Variants in FSHR observed in about 807,000 individuals in gnomAD.
FSHR encodes the protein follicle-stimulating hormone receptor.
FSHR carries 46 observed loss-of-function variants against 52.1 expected under a neutral mutation model. The ratio of observed to expected loss-of-function variants is 0.88; its 90% CI spans 0.70 to 1.13. FSHR has a LOEUF of 1.13. Ranked by LOEUF, FSHR falls within the 50% of genes most tolerant of loss-of-function variation. The pLI is 0.00. For missense variants in FSHR, 964 were observed against 834.6 expected (o/e 1.16, Z -1.91); for synonymous variants, 399 against 309.6 (o/e 1.29, Z -3.03).
At chr2:48,965,504 GA>G (rs1674433403) in intron 9 of FSHR, among the ~76,000 whole-genome samples, 1 of 152,202 alleles carries the variant, frequency 6.6e-6, no homozygotes, top group African/African-American at 2.4e-5. Context: ...AATGGGTATA[GA>G]GGGGAGAAGA....
intron 1 of FSHR, among the ~76,000 whole-genome samples, chr2:49,072,624 A>T (rs1669778708): frequency 6.6e-6 from 1 of 152,192 alleles, no homozygotes; most frequent in Admixed American, 6.5e-5. Context: ...AATGTTTGAG[A>T]AGGTAAACAC....
chr2:49,057,881 A>G (rs944618963), intron 2 of FSHR, among the ~76,000 whole-genome samples: 2 of 152,358 alleles, frequency 1.3e-5, no homozygotes, highest in Middle Eastern at 3.4e-3. Context: ...GCAAATTAGT[A>G]AACATGATAC....
intron 8 of FSHR, among the ~76,000 whole-genome samples, chr2:48,972,699 G>A (rs4952933): frequency 0.55 from 84,095 of 151,784 alleles, 23,520 homozygotes; most frequent in East Asian, 0.72. Context: ...AACAATTCAG[G>A]ACTCCCTCCA....
chr2:49,149,162 G>T (rs1672973160), intron 1 of FSHR, among the ~76,000 whole-genome samples: 1 of 151,984 alleles, frequency 6.6e-6, no homozygotes. Context: ...ATGATGAGGA[G>T]AAGTAAACTG....
Position 49,017,476 on chromosome 2 carries a change from C to T in FSHR, c.374+13G>A, listed in dbSNP as rs763437371. On this transcript the variant is annotated intron_variant, in intron 4 of 9. Transcript: ENST00000406846. Reference sequence around the variant, plus strand: ...TAATCATAGTGGGGGTACCAAACTACATGAGTTCTTACAGATATTGAAGGT... The same window carrying T: ...TAATCATAGTGGGGGTACCAAACTATATGAGTTCTTACAGATATTGAAGGT... The T allele has an allele frequency of 5.0e-6, 8 of 1,600,822 alleles. No homozygotes were observed. Among genetic ancestry groups the T allele is most frequent in the East Asian group, 2.2e-5 (1 of 44,806 alleles).
At chr2:49,112,138 T>G (rs1671444503) in intron 1 of FSHR, among the ~76,000 whole-genome samples, 1 of 151,938 alleles carries the variant, frequency 6.6e-6, no homozygotes, top group Admixed American at 6.6e-5. Flanking sequence ...TTAATTGGAG[T>G]CCTAAAACTC....
chr2:49,123,355 C>T (rs1671885705), intron 1 of FSHR, among the ~76,000 whole-genome samples: 2 of 152,060 alleles, frequency 1.3e-5, no homozygotes, highest in South Asian at 4.2e-4. Flanking sequence ...GGCACGGTGG[C>T]TCACGCTGGT....
intron 1 of FSHR, among the ~76,000 whole-genome samples, chr2:49,137,810 T>C (rs183254062): frequency 1.9e-4 from 29 of 151,910 alleles, no homozygotes; most frequent in African/African-American, 3.9e-4. Context: ...TAAAAATGGA[T>C]AAAAACCCAC....
At chr2:49,089,573 C>T (rs758804523) in intron 1 of FSHR, among the ~76,000 whole-genome samples, 2 of 152,020 alleles carry the variant, frequency 1.3e-5, no homozygotes, top group African/African-American at 2.4e-5. Context: ...CCAGAGTAAC[C>T]GCGTGTAACA....
chr2:49,143,450 T>C (rs1672760564), intron 1 of FSHR, among the ~76,000 whole-genome samples: 1 of 152,028 alleles, frequency 6.6e-6, no homozygotes, highest in Non-Finnish European at 1.5e-5. Context: ...AAAGAGAAAT[T>C]TTTTGGTACC....
chr2:49,121,596 A>G (rs1332009865), intron 1 of FSHR, among the ~76,000 whole-genome samples: 2 of 152,096 alleles, frequency 1.3e-5, no homozygotes, highest in African/African-American at 2.4e-5. Context: ...GGTTCTGTGT[A>G]TCAGTGACAG....
intron 2 of FSHR, among the ~76,000 whole-genome samples, chr2:49,044,548 A>G (rs1226918294): frequency 6.6e-6 from 1 of 152,148 alleles, no homozygotes; most frequent in Non-Finnish European, 1.5e-5. Context: ...ACCAGCACAG[A>G]TTTCATTCTG....
Position 49,093,595 on chromosome 2 carries a change from CT to C in FSHR, c.153-25306del, listed in dbSNP as rs375094387. On this transcript the variant is annotated intron_variant, in intron 1 of 9. Transcript: ENST00000406846. Reference sequence around the variant, plus strand: ...AGCCTTTCTAAAACATTATATTTATCTTTTTTTTTTTTTTTTTGAGACGGAG... The same window carrying C: ...AGCCTTTCTAAAACATTATATTTATCTTTTTTTTTTTTTTTTGAGACGGAG... Among the ~76,000 whole-genome samples, 426 of 132,912 alleles carry C rather than the reference CT, an allele frequency of 3.2e-3. No individual in the cohort carries two copies. In the East Asian group the frequency reaches 0.038, roughly 12 times the overall value. 87.2% of individuals were successfully genotyped at this position (132,912 alleles called of 152,430 possible).
At position 48,994,301 on chromosome 2, in the gene FSHR, A is replaced by G. The variant is rs946957468; in HGVS notation, c.375-3664T>C. On this transcript the variant is annotated intron_variant, in intron 4 of 9. Transcript: ENST00000406846. ...AGAATGAAGAATTCATGATTGCTCA[A>G]TAATAAAGTTATGAGTGCATCATTT... Among the ~76,000 whole-genome samples the G allele has an allele frequency of 6.6e-5, 10 of 152,314 alleles. No individual in the cohort carries two copies. In the South Asian group the frequency reaches 1.9e-3, roughly 28 times the overall value.
chr2:49,140,150 A>C (rs1251767304), intron 1 of FSHR, among the ~76,000 whole-genome samples: 1 of 152,114 alleles, frequency 6.6e-6, no homozygotes, highest in Non-Finnish European at 1.5e-5. Context: ...TCATGTTAAA[A>C]TATAATCCCC....
chr2:49,101,425 CT>C (rs1339530424), intron 1 of FSHR, among the ~76,000 whole-genome samples: 1 of 152,014 alleles, frequency 6.6e-6, no homozygotes, highest in African/African-American at 2.4e-5. Flanking sequence ...CTGAAAGACT[CT>C]TGTCCACTGA....
In FSHR at chr2:49,021,878, TATATATATAGAGAGAGAG is replaced by T. The variant is rs1309516007; in HGVS notation, c.225-1736_225-1719del. On this transcript the variant is annotated intron_variant, in intron 2 of 9. Coordinates refer to ENST00000406846, the MANE Select transcript of FSHR (RefSeq NM_000145.4). The stretch of plus-strand genomic sequence containing the variant: ...CTCTCTCTCTCTATATATATATATA[TATATATATAGAGAGAGAG>T]AGAGAGAGAGAGAGAGAGAGAGAGA... Among the ~76,000 whole-genome samples the T allele has an allele frequency of 2.9e-3, 177 of 60,844 alleles. 1 individual carries two copies. The highest frequency in any genetic ancestry group is 0.028 in the East Asian group (32 of 1,154). 39.9% of individuals were successfully genotyped at this position (60,844 alleles called of 152,430 possible). A position where few individuals can be genotyped will look rare whatever the true frequency, so the allele number is the denominator to read the frequency against.
chr2:48,989,027 G>T lies in FSHR; in HGVS notation c.474C>A (p.His158Gln), dbSNP rs375435627. The T allele has an allele frequency of 3.7e-6, 6 of 1,613,734 alleles. No individual in the cohort carries two copies. In the African/African-American group the frequency reaches 8.0e-5, roughly 22 times the overall value. ...CCACGAAAGAATTTCTTTCAATTGTGTGGATGTTTATGTTATCTTGAATGT... is the reference window on the plus strand; with the variant it reads ...CCACGAAAGAATTTCTTTCAATTGTTTGGATGTTTATGTTATCTTGAATGT... ...LLDIQDNINI[H>Q]TIERNSFVGL... Residue 158 changes from histidine (H) to glutamine (Q), a missense_variant, in exon 6 of 10, where the codon CAC (histidine) becomes CAA (glutamine). His to Gln is a conservative substitution (Grantham distance 24, BLOSUM62 0). Transcript: ENST00000406846.
At chr2:49,069,734 A>G (rs1669660461) in intron 1 of FSHR, among the ~76,000 whole-genome samples, 1 of 152,110 alleles carries the variant, frequency 6.6e-6, no homozygotes, top group Non-Finnish European at 1.5e-5. Flanking sequence ...GAAAATGTTT[A>G]TAATAAGAAT....
Sources: allele counts gnomAD v4.1 joint callset (sites outside exome capture counted in the v4.1 genomes callset), GRCh38; gene constraint gnomAD v4.1.1; transcripts MANE v1.5; gene names NCBI Gene and HGNC (gene_info 2026-07-23, HGNC 2026-07-21).